Variants in VPS13C observed in about 807,000 individuals in gnomAD.
VPS13C encodes the protein vacuolar protein sorting 13 homolog C.
VPS13C carries 358 observed loss-of-function variants against 456.8 expected under a neutral mutation model. That is an observed-to-expected ratio of 0.78 (90% CI 0.72 to 0.86). The LOEUF (loss-of-function observed/expected upper bound fraction) is 0.86, where lower values mean the gene tolerates loss of function less well. VPS13C is among the 40% of genes least tolerant of loss of function. The pLI is 0.00. For missense variants in VPS13C, 4,818 were observed against 4,385.4 expected (o/e 1.10, Z -2.79); for synonymous variants, 1,578 against 1,486.7 (o/e 1.06, Z -1.41).
chr15:61,867,527 C>A lies in VPS13C; in HGVS notation c.10863+1132G>T, dbSNP rs1363270078. 1.5e-4 allele frequency: 153 copies of A among 995,368 alleles called. 1 individual carries two copies. The highest frequency in any genetic ancestry group is 1.8e-4 in the Non-Finnish European group (149 of 837,170). 61.7% of individuals were successfully genotyped at this position (995,368 alleles called of 1,614,324 possible). ...AAGCTATGTAATTCCATCATCAAGACTCACAAACATAAACATATTAATTGG... is the reference window on the plus strand; with the variant it reads ...AAGCTATGTAATTCCATCATCAAGAATCACAAACATAAACATATTAATTGG... On this transcript the variant is annotated intron_variant, in intron 81 of 84. Coordinates refer to ENST00000644861, the MANE Select transcript of VPS13C (RefSeq NM_020821.3). The surrounding 1 kb of genome is among the most constrained non-coding windows in gnomAD (Gnocchi z 5.0).
intron 6 of VPS13C, among the ~76,000 whole-genome samples, chr15:62,027,862 GTC>G (rs2047688550): frequency 2.6e-5 from 4 of 152,034 alleles, no homozygotes; most frequent in African/African-American, 9.7e-5. Context: ...CAGGACAGTA[GTC>G]TAGAGGCACC....
chr15:61,925,762 C>A lies in VPS13C; in HGVS notation c.6517-214G>T, dbSNP rs140651984. ...TGAACACTGGAAAATCACTTTAAGC[C>A]GTTCTGATGAATTTCATCATGCCAA... On this transcript the variant is annotated intron_variant, in intron 52 of 84. Transcript: ENST00000644861. 6.9e-3 allele frequency among the ~76,000 whole-genome samples: 1,045 copies of A among 152,258 alleles called. 9 individuals are homozygous for A. The highest frequency in any genetic ancestry group is 0.024 in the African/African-American group (1,003 of 41,556).
At chr15:61,881,680 G>A (rs1244368339) in intron 70 of VPS13C, 48 bp from the exon 71 acceptor site, 1 of 1,601,952 alleles carries the variant, frequency 6.2e-7, no homozygotes, top group Non-Finnish European at 8.5e-7. Context: ...TTTATACTAG[G>A]TTAAACTAAT....
intron 1 of VPS13C, among the ~76,000 whole-genome samples, chr15:62,053,533 C>T (rs2048693731): frequency 6.6e-6 from 1 of 152,162 alleles, no homozygotes. Context: ...TCTATGAATG[C>T]GGAGGAAGTG....
chr15:61,944,000 AAAG>A (rs1481437850), intron 45 of VPS13C, among the ~76,000 whole-genome samples: 2 of 152,164 alleles, frequency 1.3e-5, no homozygotes, highest in African/African-American at 4.8e-5. Flanking sequence ...ACACTTCTCA[AAAG>A]AAGACATACA....
intron 67 of VPS13C, among the ~76,000 whole-genome samples, chr15:61,886,206 G>T (rs1896259009): frequency 1.3e-5 from 2 of 151,890 alleles, no homozygotes. Flanking sequence ...CCTCATTATT[G>T]TTTTTTGTAT....
intron 23 of VPS13C, 40 bp downstream of exon 23, chr15:61,978,586 A>G (rs1445232444): frequency 1.9e-6 from 3 of 1,596,996 alleles, no homozygotes. Context: ...CAAACTACCC[A>G]TCATAATCCC....
intron 4 of VPS13C, among the ~76,000 whole-genome samples, chr15:62,034,234 G>A (rs2047912119): frequency 6.6e-6 from 1 of 151,574 alleles, no homozygotes; most frequent in Non-Finnish European, 1.5e-5. Context: ...TATCAAAAAT[G>A]TATATAATAA....
At chr15:61,938,330 C>T (rs1212896962) in intron 47 of VPS13C, among the ~76,000 whole-genome samples, 1 of 151,798 alleles carries the variant, frequency 6.6e-6, no homozygotes, top group African/African-American at 2.4e-5. Context: ...TCTTTAAAAA[C>T]CATCAAAATG....
intron 55 of VPS13C, among the ~76,000 whole-genome samples, chr15:61,921,049 A>G (rs1258881034): frequency 6.6e-6 from 1 of 152,088 alleles, no homozygotes; most frequent in Admixed American, 6.6e-5. Context: ...TATTTTTTAA[A>G]CCAATAACAC....
intron 19 of VPS13C, among the ~76,000 whole-genome samples, 192 bp downstream of exon 19, chr15:61,984,665 G>A (rs943150103): frequency 2.0e-5 from 3 of 152,022 alleles, no homozygotes; most frequent in Admixed American, 6.6e-5. Flanking sequence ...AGGAGGGAGG[G>A]CAGAACAAAT....
chr15:61,887,110 T>C (rs545182293), intron 67 of VPS13C, among the ~76,000 whole-genome samples: 4 of 151,784 alleles, frequency 2.6e-5, no homozygotes, highest in African/African-American at 9.7e-5. Flanking sequence ...GTGTCAATGT[T>C]CACATTTGAC....
chr15:61,915,589 T>G, intron 61 of VPS13C, 44 bp downstream of exon 61: 1 of 1,512,342 alleles, frequency 6.6e-7, no homozygotes, highest in Non-Finnish European at 8.8e-7. Context: ...GTTTCTAGAT[T>G]AGGAATTTAT....
At chr15:61,953,283 C>T (rs1007105496) in intron 38 of VPS13C, among the ~76,000 whole-genome samples, 1 of 151,624 alleles carries the variant, frequency 6.6e-6, no homozygotes, top group African/African-American at 2.4e-5. Flanking sequence ...TACATGTGCA[C>T]AATGCGCAGG....
chr15:61,873,907 A>AT (rs1652525870), intron 77 of VPS13C, among the ~76,000 whole-genome samples: 2 of 151,962 alleles, frequency 1.3e-5, no homozygotes, highest in African/African-American at 4.8e-5. Context: ...TAGCTAACAT[A>AT]TGCAATCAAT....
intron 83 of VPS13C, 90 bp from the exon 84 acceptor site, chr15:61,855,044 T>C (rs1174733226): frequency 2.9e-6 from 3 of 1,039,426 alleles, no homozygotes; most frequent in Non-Finnish European, 4.2e-6. Context: ...ATGTCAACTC[T>C]ATCTTATAAC....
At chr15:62,029,887 T>A (rs1287519794) in intron 5 of VPS13C, among the ~76,000 whole-genome samples, 1 of 152,088 alleles carries the variant, frequency 6.6e-6, no homozygotes, top group African/African-American at 2.4e-5. Context: ...CGAAATTATA[T>A]CCGGTGCATC....
chr15:61,884,189 G>C lies in VPS13C; in HGVS notation c.9422C>G (p.Ser3141Cys). The change falls in exon 68 of 85, where the codon TCC (serine) becomes TGC (cysteine). Residue 3141 changes from serine to cysteine, a missense_variant. Ser to Cys is a moderately radical substitution (Grantham distance 112, BLOSUM62 -1). This residue lies in a region of VPS13C where 4,552 missense variants were observed against 4,130.6 expected (regional missense o/e 1.10). Coordinates refer to ENST00000644861, the MANE Select transcript of VPS13C (RefSeq NM_020821.3). ...TCTTGATATTTGATGTTTCTGATAG[G>C]ATTGTTCCAATAAGATTATCTGCTT... Reference protein sequence around the residue: ...SQKQIILLEQSYQKHQISRDH... With the variant: ...SQKQIILLEQCYQKHQISRDH... The C allele has an allele frequency of 6.2e-7, 1 of 1,609,952 alleles. No homozygotes were observed. The highest frequency in any genetic ancestry group is 8.5e-7 in the Non-Finnish European group (1 of 1,178,444).
Position 61,981,332 on chromosome 15 carries a change from A to G in VPS13C, c.2166+10T>C. 2 of 1,601,766 alleles carry G rather than the reference A, an allele frequency of 1.2e-6. No individual in the cohort carries two copies. The highest frequency in any genetic ancestry group is 1.4e-5 in the African/African-American group (1 of 73,986). On this transcript the variant is annotated intron_variant, in intron 22 of 84. Transcript: ENST00000644861. ...AAGATGGGCAGACAAAAAAACGCAT[A>G]TATACCTACCTGAAATGTACCAAAA...
Sources: allele counts gnomAD v4.1 joint callset (sites outside exome capture counted in the v4.1 genomes callset), GRCh38; gene constraint gnomAD v4.1.1; regional missense constraint gnomAD v4.1.1; non-coding constraint Gnocchi (gnomAD v3.1); transcripts MANE v1.5; gene names NCBI Gene and HGNC (gene_info 2026-07-23, HGNC 2026-07-21).